CTSH: variants seen among roughly 807,000 people sequenced by gnomAD.
CTSH encodes the protein cathepsin H, also known as pro-cathepsin H.
A neutral mutation model predicts 56.3 loss-of-function variants in CTSH; 52 were observed. That is an observed-to-expected ratio of 0.92 (90% CI 0.74 to 1.16). The LOEUF (loss-of-function observed/expected upper bound fraction) is 1.16, where lower values mean the gene tolerates loss of function less well. CTSH is among the 50% of genes most tolerant of loss of function. CTSH has a pLI of 0.00. For synonymous variants in CTSH, 174 were observed against 155.7 expected, an observed-to-expected ratio of 1.12 and a Z score of -0.88; for missense variants, 406 against 424.5, an observed-to-expected ratio of 0.96 and a Z score of 0.38.
At chr15:78,943,607 C>T (rs931037431) in intron 1 of CTSH, among the ~76,000 whole-genome samples, 3 of 152,180 alleles carry the variant, frequency 2.0e-5, no homozygotes, top group South Asian at 2.1e-4. Flanking sequence ...AAACATATTT[C>T]GTAGCACCCA....
rs1216534756 is a variant in CTSH at position 78,929,467 on chromosome 15, T to G, written c.575A>C (p.Tyr192Ser). 7 of 1,611,668 alleles carry G rather than the reference T, an allele frequency of 4.3e-6. No homozygotes were observed. In the South Asian group the frequency reaches 7.7e-5, roughly 18 times the overall value. ...QGGLPSQAFEYILYNKGIMGE... is the reference protein window; with the variant it reads ...QGGLPSQAFESILYNKGIMGE... Reference sequence around the variant, plus strand: ...CATGATCCCCTTGTTGTACAGGATATACTCGAAAGCCTGGCTGGGGAGACC... The same window carrying G: ...CATGATCCCCTTGTTGTACAGGATAGACTCGAAAGCCTGGCTGGGGAGACC... The change falls in exon 8 of 12, where the codon TAT becomes TCT. Residue 192 changes from tyrosine to serine, a missense_variant. Transcript: ENST00000220166.
At chr15:78,942,096 C>T (rs997923809) in intron 1 of CTSH, among the ~76,000 whole-genome samples, 1 of 152,150 alleles carries the variant, frequency 6.6e-6, no homozygotes. Context: ...CTCAAATAAG[C>T]AGCTGGGAAT....
chr15:78,938,612 G>A (rs571996713), intron 2 of CTSH, among the ~76,000 whole-genome samples: 1 of 152,206 alleles, frequency 6.6e-6, no homozygotes, highest in African/African-American at 2.4e-5. Flanking sequence ...CTTTGTTATG[G>A]CTGAATAATA....
chr15:78,925,190 A>C, intron 10 of CTSH, 144 bp downstream of exon 10: 1 of 593,964 alleles, frequency 1.7e-6, no homozygotes, highest in Non-Finnish European at 3.1e-6. Flanking sequence ...AGGGATGTGC[A>C]AAACGCCCAG....
intron 7 of CTSH, among the ~76,000 whole-genome samples, chr15:78,930,382 C>T (rs183881184): frequency 7.9e-5 from 12 of 152,210 alleles, no homozygotes; most frequent in South Asian, 2.1e-4. Context: ...CAAAAATTAG[C>T]CAGGTGTGGT....
At chr15:78,922,853 C>G (rs1399102344) in intron 11 of CTSH, 140 bp downstream of exon 11, 1 of 1,019,752 alleles carries the variant, frequency 9.8e-7, no homozygotes. Context: ...CTCATGCTCC[C>G]TTTCCCCCTG....
chr15:78,941,963 A>G (rs1405671360), intron 1 of CTSH, among the ~76,000 whole-genome samples: 1 of 152,194 alleles, frequency 6.6e-6, no homozygotes, highest in Admixed American at 6.5e-5. Context: ...ACAGTACTCT[A>G]CTGCCCATCC....
At position 78,935,688 on chromosome 15, in the gene CTSH, C is replaced by G. The variant is rs1400189292; in HGVS notation, c.292G>C (p.Glu98Gln). The G allele has an allele frequency of 1.2e-6, 2 of 1,610,266 alleles. No individual in the cohort carries two copies. The highest frequency in any genetic ancestry group is 1.7e-5 in the Admixed American group (1 of 59,972). The change falls in exon 4 of 12, where the codon GAG becomes CAG. Residue 98 changes from glutamate to glutamine, a missense_variant. Transcript: ENST00000220166. The stretch of plus-strand genomic sequence containing the variant: ...CAATGAATTATACCTACCTGAGGCT[C>G]TGACCAGAGATACTTGTGTTTTATT... Reference protein sequence around the residue: ...AEIKHKYLWSEPQNCSATKSN... With the variant: ...AEIKHKYLWSQPQNCSATKSN...
rs2054809992 is a variant in CTSH, at chr15:78,923,035, C to G, written c.890G>C (p.Trp297Ser). Residue 297 changes from tryptophan (W) to serine (S), a missense_variant, in exon 11 of 12, where the codon TGG (tryptophan) becomes TCG (serine). Coordinates refer to ENST00000220166, the MANE Select transcript of CTSH (RefSeq NM_004390.5). Reference protein sequence around the residue: ...GYGEKNGIPYWIVKNSWGPQW... With the variant: ...GYGEKNGIPYSIVKNSWGPQW... ...GGGACCCCAAGAGTTTTTCACGATC[C>G]AGTAAGGGATCCCATTTTTTTCTCC... is the stretch of plus-strand genomic sequence containing the variant. 6.2e-7 allele frequency: 1 copy of G among 1,613,332 alleles called. No homozygotes were observed. Among genetic ancestry groups the G allele is most frequent in the Non-Finnish European group, 8.5e-7 (1 of 1,179,714 alleles).
Position 78,923,002 on chromosome 15 carries a change from C to G in CTSH, c.923G>C (p.Gly308Ala). ...IVKNSWGPQW[G>A]MNGYFLIERG... ...CCTGGGAGCTGCTTACCCGTTCATT[C>G]CCCACTGGGGACCCCAAGAGTTTTT... The change falls in exon 11 of 12, where the codon GGA (glycine) becomes GCA (alanine). Residue 308 changes from glycine to alanine, a missense_variant. Transcript: ENST00000220166. 6.2e-7 allele frequency: 1 copy of G among 1,610,176 alleles called. No homozygotes were observed. Among genetic ancestry groups the G allele is most frequent in the Non-Finnish European group, 8.5e-7 (1 of 1,178,838 alleles).
At chr15:78,927,334 A>C (rs1053730095) in intron 9 of CTSH, 1 of 270,664 alleles carries the variant, frequency 3.7e-6, no homozygotes, top group Non-Finnish European at 7.1e-6. Flanking sequence ...TTATTGCAAC[A>C]GAACCTGGCT....
chr15:78,937,626 TG>T, intron 2 of CTSH: 1 of 1,062,970 alleles, frequency 9.4e-7, no homozygotes. Flanking sequence ...GTGGCCAGAA[TG>T]AAGACCATGC....
intron 1 of CTSH, among the ~76,000 whole-genome samples, chr15:78,939,681 G>T (rs2055248102): frequency 1.3e-5 from 2 of 152,098 alleles, no homozygotes; most frequent in Non-Finnish European, 1.5e-5. Flanking sequence ...TGAGGTCAGG[G>T]GTTCAAGACC....
intron 1 of CTSH, among the ~76,000 whole-genome samples, chr15:78,943,844 T>C (rs1364590871): frequency 6.6e-6 from 1 of 152,238 alleles, no homozygotes; most frequent in Non-Finnish European, 1.5e-5. Context: ...AGCGCCAGCC[T>C]TCTCCAGGCA....
At chr15:78,924,892 C>T (rs1017085166) in intron 10 of CTSH, among the ~76,000 whole-genome samples, 2 of 144,344 alleles carry the variant, frequency 1.4e-5, no homozygotes, top group Non-Finnish European at 3.0e-5. Context: ...GATGGGGTTT[C>T]GCCATGTTGG....
chr15:78,937,080 G>A, intron 3 of CTSH: 1 of 510,778 alleles, frequency 2.0e-6, no homozygotes, highest in Non-Finnish European at 3.5e-6. Context: ...TGGGGCAGGG[G>A]CTTCTACAGA....
In CTSH at chr15:78,929,421, G is replaced by A. The variant is rs2054996911; in HGVS notation, c.621C>T (p.Tyr207=). The A allele has an allele frequency of 6.2e-7, 1 of 1,612,286 alleles. No homozygotes were observed. Among genetic ancestry groups the A allele is most frequent in the Non-Finnish European group, 8.5e-7 (1 of 1,178,880 alleles). ...AGGCTGTTGGAGTTACCTTGCCCTGGTAGGGGTAGGTGTCTTCACCCATGA... is the reference window on the plus strand; with the variant it reads ...AGGCTGTTGGAGTTACCTTGCCCTGATAGGGGTAGGTGTCTTCACCCATGA... ...KGIMGEDTYP[Y]QGKDGYCKFQ... Residue 207 remains tyrosine (Y), a synonymous_variant, in exon 8 of 12, where the codon TAC becomes TAT. Coordinates refer to ENST00000220166, the MANE Select transcript of CTSH (RefSeq NM_004390.5).
Position 78,935,754 on chromosome 15 carries a change from CAA to C in CTSH, c.230-6_230-5del. On this transcript the variant is annotated splice_region_variant and splice_polypyrimidine_tract_variant and intron_variant, in intron 3 of 11. Coordinates refer to ENST00000220166, the MANE Select transcript of CTSH (RefSeq NM_004390.5). The stretch of plus-strand genomic sequence containing the variant: ...TCTGAAAATTGGTTCAGTGCCACTA[CAA>C]AAGAGAAGGAAAAAACCAAAACAGA... 6.2e-7 allele frequency: 1 copy of C among 1,605,682 alleles called. No homozygotes were observed. The highest frequency in any genetic ancestry group is 1.1e-5 in the South Asian group (1 of 90,200).
In CTSH at chr15:78,937,352, T is replaced by C; in HGVS notation, c.195A>G (p.Ile65Met). Residue 65 changes from isoleucine (I) to methionine (M), a missense_variant, in exon 3 of 12, where the codon ATA (isoleucine) becomes ATG (methionine). Coordinates refer to ENST00000220166, the MANE Select transcript of CTSH (RefSeq NM_004390.5). ...TGTGGTTCCCATTGTTGTGGGCGTT[T>C]ATCTTCCTCCAGTTGCTGGCAAACG... is the stretch of plus-strand genomic sequence containing the variant. Reference protein sequence around the residue: ...LQTFASNWRKINAHNNGNHTF... With the variant: ...LQTFASNWRKMNAHNNGNHTF... 6.2e-7 allele frequency: 1 copy of C among 1,614,184 alleles called. No homozygotes were observed. Among genetic ancestry groups the C allele is most frequent in the Non-Finnish European group, 8.5e-7 (1 of 1,180,018 alleles).
Sources: gnomAD v4.1 joint callset for allele counts (sites outside exome capture counted in the v4.1 genomes callset) on GRCh38, gnomAD v4.1.1 for gene constraint, MANE v1.5 for transcripts, NCBI Gene and HGNC (gene_info 2026-07-23, HGNC 2026-07-21) for gene names.